Variants in IQCN observed in about 807,000 individuals in gnomAD.
IQCN encodes IQ domain-containing protein N.
IQCN carries 46 observed loss-of-function variants against 64.4 expected under a neutral mutation model. The observed-to-expected ratio is 0.71, with a 90% CI of 0.56 to 0.91. The LOEUF is 0.91. Among genes scored for constraint, IQCN ranks in the 40% least tolerant of loss-of-function variants. IQCN has a pLI of 0.00. For missense variants in IQCN, 1,753 were observed against 1,857.4 expected (o/e 0.94, Z 1.03); for synonymous variants, 733 against 775.6 (o/e 0.95, Z 0.91).
chr19:18,267,369 C>G lies in IQCN; in HGVS notation c.171G>C (p.Glu57Asp). The G allele has an allele frequency of 6.2e-7, 1 of 1,612,434 alleles. No individual in the cohort carries two copies. Among genetic ancestry groups the G allele is most frequent in the Non-Finnish European group, 8.5e-7 (1 of 1,178,982 alleles). Residue 57 changes from glutamate to aspartate, a missense_variant, in exon 3 of 4, where the codon GAG becomes GAC. Physicochemically the swap from Glu to Asp is conservative, Grantham distance 45 (BLOSUM62 2). Coordinates refer to ENST00000392413, the MANE Select transcript of IQCN (RefSeq NM_001145304.2). ...GAAGATGCTCCTTGGACTTGAGGCC[C>G]TCGTGCTGGGGCTGTGGAGGCGCTT... ...MEKAPPQPQHEGLKSKEHLPQ... is the reference protein window; with the variant it reads ...MEKAPPQPQHDGLKSKEHLPQ...
Position 18,265,307 on chromosome 19 carries a change from G to T in IQCN, c.2233C>A (p.Arg745=). The change falls in exon 3 of 4, where the codon CGG becomes AGG. Residue 745 remains arginine, a synonymous_variant. Coordinates refer to ENST00000392413, the MANE Select transcript of IQCN (RefSeq NM_001145304.2). The surrounding 1 kb of genome is among the most constrained non-coding windows in gnomAD (Gnocchi z 4.7). ...GTTATGTCTGTGATCGGCTGCCCCC[G>T]GGACTGCGTCTTGGTCAGACAGGTG... ...LATCLTKTQS[R]GQPITDITTC... The T allele has an allele frequency of 6.2e-7, 1 of 1,614,154 alleles. No homozygotes were observed. The highest frequency in any genetic ancestry group is 8.5e-7 in the Non-Finnish European group (1 of 1,180,036).
intron 1 of IQCN, among the ~76,000 whole-genome samples, chr19:18,273,764 T>A (rs1226686202): frequency 2.0e-5 from 3 of 152,178 alleles, no homozygotes; most frequent in Non-Finnish European, 4.4e-5. Context: ...TTCCAGGGGC[T>A]GAGGTTTCAT....
In IQCN at chr19:18,265,544, G is replaced by T; in HGVS notation, c.1996C>A (p.Leu666Met). 1.2e-6 allele frequency: 2 copies of T among 1,612,130 alleles called. No individual in the cohort carries two copies. Among genetic ancestry groups the T allele is most frequent in the African/African-American group, 1.3e-5 (1 of 75,026 alleles). The change falls in exon 3 of 4, where the codon CTG becomes ATG. Residue 666 changes from leucine to methionine, a missense_variant. Transcript: ENST00000392413. This position sits in a 1 kb window ranked among gnomAD's most constrained non-coding sequence, Gnocchi z 4.7. ...TLPRGQLAAP[L>M]TNASSQRHPP... The stretch of plus-strand genomic sequence containing the variant: ...TGTCTCTGGGATGAGGCATTGGTCA[G>T]TGGGGCAGCCAGCTGTCCCCGGGGC...
chr19:18,261,864 ATAGATAGGTAG>A (rs1969436313), intron 3 of IQCN: 1 of 147,738 alleles, frequency 6.8e-6, no homozygotes. Flanking sequence ...CTCAGTGGCC[ATAGATAGGTAG>A]CCTGAGCTTG....
intron 3 of IQCN, chr19:18,258,790 C>A (rs1969370810): frequency 4.4e-6 from 1 of 225,382 alleles, no homozygotes; most frequent in African/African-American, 2.3e-5. Context: ...ACGTGAGTGA[C>A]AGACCCCTGT....
At chr19:18,268,577 C>T (rs1361959968) in intron 2 of IQCN, among the ~76,000 whole-genome samples, 1 of 152,048 alleles carries the variant, frequency 6.6e-6, no homozygotes, top group Non-Finnish European at 1.5e-5. Flanking sequence ...TCTGTCATTC[C>T]AGCACTTTGG....
chr19:18,267,059 C>T lies in IQCN; in HGVS notation c.481G>A (p.Gly161Arg). Residue 161 changes from glycine (G) to arginine (R), a missense_variant, in exon 3 of 4, where the codon GGG becomes AGG. By Grantham distance (125) the Gly-to-Arg change is moderately radical. Coordinates refer to ENST00000392413, the MANE Select transcript of IQCN (RefSeq NM_001145304.2). Reference protein sequence around the residue: ...SLVKKTRAEEGDIPYHAPQQV... With the variant: ...SLVKKTRAEERDIPYHAPQQV... ...TGTGGGGCGTGATAAGGTATGTCCC[C>T]CTCCTCCGCCCTCGTTTTCTTTACC... is the stretch of plus-strand genomic sequence containing the variant. 1 of 1,614,244 alleles carries T rather than the reference C, an allele frequency of 6.2e-7. No homozygotes were observed.
chr19:18,257,667 C>T lies in IQCN; in HGVS notation c.3617G>A (p.Trp1206Ter), dbSNP rs1486424045. 6.2e-7 allele frequency: 1 copy of T among 1,607,604 alleles called. No homozygotes were observed. The highest frequency in any genetic ancestry group is 2.2e-5 in the East Asian group (1 of 44,774). The change falls in exon 4 of 4, where the codon TGG (tryptophan) becomes TAG (stop). Residue 1206 changes from tryptophan to a stop codon, truncating the protein, a stop_gained. Coordinates refer to ENST00000392413, the MANE Select transcript of IQCN (RefSeq NM_001145304.2). LOFTEE classifies it low-confidence loss of function (END_TRUNC). ...TGTCCTGGCTCTGCCATCCTGGAAC[C>T]AGCTTCGGTCAGACATGACCCCGGC... ...SRAGVMSDRS[W>*]FQDGRARTVS...
At chr19:18,272,567 A>G (rs1433995677) in intron 1 of IQCN, among the ~76,000 whole-genome samples, 1 of 151,356 alleles carries the variant, frequency 6.6e-6, no homozygotes, top group African/African-American at 2.4e-5. Context: ...TCTATCCCTA[A>G]TGCCTCACCA....
Position 18,265,878 on chromosome 19 carries a change from G to A in IQCN, c.1662C>T (p.Ala554=). The A allele has an allele frequency of 6.2e-7, 1 of 1,614,216 alleles. No individual in the cohort carries two copies. Among genetic ancestry groups the A allele is most frequent in the Non-Finnish European group, 8.5e-7 (1 of 1,180,034 alleles). ...SGSIHENPPK[A]KATVNVKQAA... is the part of the protein sequence containing the mutation. ...CCTGCTTCACATTCACGGTGGCCTT[G>A]GCCTTGGGTGGGTTCTCATGGATGG... The change falls in exon 3 of 4, where the codon GCC becomes GCT. Residue 554 remains alanine, a synonymous_variant. Coordinates refer to ENST00000392413, the MANE Select transcript of IQCN (RefSeq NM_001145304.2). This position sits in a 1 kb window ranked among gnomAD's most constrained non-coding sequence, Gnocchi z 4.7.
chr19:18,265,090 G>C lies in IQCN; in HGVS notation c.2450C>G (p.Thr817Ser), dbSNP rs1390179607. 6.2e-7 allele frequency: 1 copy of C among 1,602,182 alleles called. No individual in the cohort carries two copies. Among genetic ancestry groups the C allele is most frequent in the Non-Finnish European group, 8.5e-7 (1 of 1,179,800 alleles). Residue 817 changes from threonine to serine, a missense_variant, in exon 3 of 4, where the codon ACT becomes AGT. Physicochemically the swap from Thr to Ser is moderately conservative, Grantham distance 58. Transcript: ENST00000392413. This position sits in a 1 kb window ranked among gnomAD's most constrained non-coding sequence, Gnocchi z 4.7. ...QPHGHVPGKT[T>S]QGGPCPAACE... ...GGCTGCCGGGCATGGTCCCCCCTGAGTGGTCTTCCCCGGCACGTGTCCGTG... is the reference window on the plus strand; with the variant it reads ...GGCTGCCGGGCATGGTCCCCCCTGACTGGTCTTCCCCGGCACGTGTCCGTG...
In IQCN at chr19:18,265,000, T is replaced by C. The variant is rs765575156; in HGVS notation, c.2540A>G (p.Glu847Gly). The C allele has an allele frequency of 6.2e-7, 1 of 1,605,410 alleles. No individual in the cohort carries two copies. Among genetic ancestry groups the C allele is most frequent in the African/African-American group, 1.3e-5 (1 of 74,922 alleles). ...TGTGGCTCCGTTGTCTCCCCAGGAC[T>C]CAACGTTGCATGTGGAATGGCCGGT... is the stretch of plus-strand genomic sequence containing the variant. ...APTGHSTCNV[E>G]SWGDNGATRA... The change falls in exon 3 of 4, where the codon GAG (glutamate) becomes GGG (glycine). Residue 847 changes from glutamate to glycine, a missense_variant. Glu to Gly is a moderately conservative substitution (Grantham distance 98, BLOSUM62 -2). Coordinates refer to ENST00000392413, the MANE Select transcript of IQCN (RefSeq NM_001145304.2). The surrounding 1 kb of genome is among the most constrained non-coding windows in gnomAD (Gnocchi z 4.3).
In IQCN at chr19:18,267,663, C is replaced by A; in HGVS notation, c.14-137G>T. 4 of 1,071,422 alleles carry A rather than the reference C, an allele frequency of 3.7e-6. No individual in the cohort carries two copies. In the South Asian group the frequency reaches 6.2e-5, roughly 17 times the overall value. The allele number at this position is 1,071,422 out of a possible 1,614,324, so 66.4% of individuals were successfully genotyped here. ...CGATCTTCCGCCTCCCTTTTTCCAT[C>A]CCTCCCTCTCCCAAGTGGTCTTTGC... is the stretch of plus-strand genomic sequence containing the variant. On this transcript the variant is annotated intron_variant, in intron 2 of 3. Transcript: ENST00000392413.
chr19:18,258,085 C>A lies in IQCN; in HGVS notation c.3199G>T (p.Val1067Phe), dbSNP rs1295820472. 4 of 1,611,478 alleles carry A rather than the reference C, an allele frequency of 2.5e-6. No individual in the cohort carries two copies. Among genetic ancestry groups the A allele is most frequent in the Non-Finnish European group, 3.4e-6 (4 of 1,180,016 alleles). ...GCGCGGTTCCACGATTGGCCACCAA[C>A]CACACCAGCGTCCGCGGGGCCCTGG... ...TSKGPADAGV[V>F]GGQSWNRAWE... Residue 1067 changes from valine to phenylalanine, a missense_variant, in exon 4 of 4, where the codon GTT becomes TTT. Coordinates refer to ENST00000392413, the MANE Select transcript of IQCN (RefSeq NM_001145304.2).
chr19:18,266,882 G>A lies in IQCN; in HGVS notation c.658C>T (p.Pro220Ser). 1 of 1,610,934 alleles carries A rather than the reference G, an allele frequency of 6.2e-7. No individual in the cohort carries two copies. The highest frequency in any genetic ancestry group is 8.5e-7 in the Non-Finnish European group (1 of 1,177,886). ...LLQPPAAQGT[P>S]EPCVQGPHAA... ...TGAGGACCCTGCACACAGGGCTCTGGGGTACCCTGAGCTGCTGGGGGCTGC... is the reference window on the plus strand; with the variant it reads ...TGAGGACCCTGCACACAGGGCTCTGAGGTACCCTGAGCTGCTGGGGGCTGC... The change falls in exon 3 of 4, where the codon CCA (proline) becomes TCA (serine). Residue 220 changes from proline (P) to serine (S), a missense_variant. Physicochemically the swap from Pro to Ser is moderately conservative, Grantham distance 74. Coordinates refer to ENST00000392413, the MANE Select transcript of IQCN (RefSeq NM_001145304.2). This position sits in a 1 kb window ranked among gnomAD's most constrained non-coding sequence, Gnocchi z 4.3.
rs772314060 is a variant in IQCN, at chr19:18,267,086, A to G, written c.454T>C (p.Leu152=). The G allele has an allele frequency of 2.5e-6, 4 of 1,614,162 alleles. No individual in the cohort carries two copies. Among genetic ancestry groups the G allele is most frequent in the South Asian group, 1.1e-5 (1 of 91,084 alleles). The part of the protein sequence containing the change: ...KRHILHSSKS[L]VKKTRAEEGD... ...TCCTCCGCCCTCGTTTTCTTTACCA[A>G]CGACTTGCTGGAGTGAAGGATGTGT... is the stretch of plus-strand genomic sequence containing the variant. Residue 152 remains leucine, a synonymous_variant, in exon 3 of 4, where the codon TTG becomes CTG. Coordinates refer to ENST00000392413, the MANE Select transcript of IQCN (RefSeq NM_001145304.2).
In IQCN at chr19:18,265,106, C is replaced by A. The variant is rs140540623; in HGVS notation, c.2434G>T (p.Val812Leu). The part of the protein sequence containing the change: ...RQTQPQPHGH[V>L]PGKTTQGGPC... ...CCCCCCTGAGTGGTCTTCCCCGGCA[C>A]GTGTCCGTGGGGCTGTGGCTGGGTC... The change falls in exon 3 of 4, where the codon GTG becomes TTG. Residue 812 changes from valine (V) to leucine (L), a missense_variant. By Grantham distance (32) the Val-to-Leu change is conservative. Coordinates refer to ENST00000392413, the MANE Select transcript of IQCN (RefSeq NM_001145304.2). The surrounding 1 kb of genome is among the most constrained non-coding windows in gnomAD (Gnocchi z 4.7). 7 of 1,603,346 alleles carry A rather than the reference C, an allele frequency of 4.4e-6. No homozygotes were observed. Among genetic ancestry groups the A allele is most frequent in the Middle Eastern group, 1.6e-4 (1 of 6,062 alleles).
In IQCN at chr19:18,265,019, G is replaced by A; in HGVS notation, c.2521C>T (p.His841Tyr). Residue 841 changes from histidine to tyrosine, a missense_variant, in exon 3 of 4, where the codon CAT becomes TAT. Transcript: ENST00000392413. The surrounding 1 kb of genome is among the most constrained non-coding windows in gnomAD (Gnocchi z 4.7). ...CAGGACTCAACGTTGCATGTGGAAT[G>A]GCCGGTGGGTGCCATCGGCGGCACC... is the stretch of plus-strand genomic sequence containing the variant. ...MLVPPMAPTG[H>Y]STCNVESWGD... The A allele has an allele frequency of 6.2e-7, 1 of 1,603,236 alleles. No homozygotes were observed. The highest frequency in any genetic ancestry group is 2.2e-5 in the East Asian group (1 of 44,880).
rs1217353971 is a variant in IQCN, at chr19:18,264,672, C to CCGGGACAGGGCT, written c.2856_2867dup (p.Ala953_Arg956dup). On this transcript the variant is annotated inframe_insertion, in exon 3 of 4. Coordinates refer to ENST00000392413, the MANE Select transcript of IQCN (RefSeq NM_001145304.2). This position sits in a 1 kb window ranked among gnomAD's most constrained non-coding sequence, Gnocchi z 4.3. The stretch of plus-strand genomic sequence containing the variant: ...TGGTGAGTTCCGCCCGCAGCTCGCC[C>CCGGGACAGGGCT]CGGGACAGGGCTCGGGACAGGGTCA... The CCGGGACAGGGCT allele has an allele frequency of 2.6e-6, 4 of 1,551,360 alleles. No individual in the cohort carries two copies. The highest frequency in any genetic ancestry group is 2.6e-6 in the Non-Finnish European group (3 of 1,147,010).
Sources: allele counts gnomAD v4.1 joint callset (sites outside exome capture counted in the v4.1 genomes callset), GRCh38; gene constraint gnomAD v4.1.1; non-coding constraint Gnocchi (gnomAD v3.1); transcripts MANE v1.5; gene names NCBI Gene and HGNC (gene_info 2026-07-23, HGNC 2026-07-21).